FBXW4: variants seen among roughly 807,000 people sequenced by gnomAD.
FBXW4 encodes the protein F-box/WD repeat-containing protein 4.
FBXW4 carries 40 observed loss-of-function variants against 61.8 expected under a neutral mutation model. That is an observed-to-expected ratio of 0.65 (90% CI 0.50 to 0.84). The LOEUF is 0.84. FBXW4 is among the 40% of genes least tolerant of loss of function. The probability of loss-of-function intolerance (pLI) is 0.00; values close to 1 mark genes in which losing one functional copy is unlikely to be tolerated. For missense variants in FBXW4, 672 were observed against 753.8 expected (o/e 0.89, Z 1.27); for synonymous variants, 311 against 313.8 (o/e 0.99, Z 0.10).
intron 6 of FBXW4, among the ~76,000 whole-genome samples, chr10:101,621,017 G>A (rs983749235): frequency 6.6e-6 from 1 of 152,178 alleles, no homozygotes; most frequent in Admixed American, 6.5e-5. Context: ...TCACAGTGGT[G>A]TACCCAGCCC....
At chr10:101,669,850 G>A (rs546002494) in intron 4 of FBXW4, among the ~76,000 whole-genome samples, 24 of 152,080 alleles carry the variant, frequency 1.6e-4, no homozygotes, top group South Asian at 8.4e-4. Context: ...CGCCTCCTGG[G>A]TTCATGCCAT....
intron 6 of FBXW4, among the ~76,000 whole-genome samples, chr10:101,620,376 A>C (rs1387035659): frequency 6.6e-6 from 1 of 152,220 alleles, no homozygotes; most frequent in Non-Finnish European, 1.5e-5. Context: ...TCCTCCCACC[A>C]AAAGCAAATG....
chr10:101,694,957 C>A lies in FBXW4; in HGVS notation c.149G>T (p.Gly50Val). 8.2e-7 allele frequency: 1 copy of A among 1,214,912 alleles called. No homozygotes were observed. Among genetic ancestry groups the A allele is most frequent in the Non-Finnish European group, 1.0e-6 (1 of 976,276 alleles). The allele number at this position is 1,214,912 out of a possible 1,614,324, so 75.3% of individuals were successfully genotyped here. A position where few individuals can be genotyped will look rare whatever the true frequency, so the allele number is the denominator to read the frequency against. The change falls in exon 1 of 9, where the codon GGC becomes GTC. Residue 50 changes from glycine to valine, a missense_variant. Transcript: ENST00000331272. This position sits in a 1 kb window ranked among gnomAD's most constrained non-coding sequence, Gnocchi z 6.0. ...KGKGKARAGQGGRGSGAEGKP... is the reference protein window; with the variant it reads ...KGKGKARAGQVGRGSGAEGKP... The stretch of plus-strand genomic sequence containing the variant: ...CCCTTCCGCCCCGCTTCCTCTTCCG[C>A]CTTGCCCCGCTCTCGCTTTTCCCTT...
intron 5 of FBXW4, among the ~76,000 whole-genome samples, chr10:101,643,779 G>A (rs1485567883): frequency 6.6e-6 from 1 of 152,206 alleles, no homozygotes; most frequent in African/African-American, 2.4e-5. Flanking sequence ...ACAATGAGTG[G>A]AAGGAGGAGA....
chr10:101,661,880 G>A (rs2064247869), intron 5 of FBXW4, among the ~76,000 whole-genome samples: 1 of 152,204 alleles, frequency 6.6e-6, no homozygotes, highest in East Asian at 1.9e-4. Context: ...CAGCTACAAT[G>A]CAGAGCACTA....
At chr10:101,626,174 C>T (rs2063905908) in intron 5 of FBXW4, 1 of 152,584 alleles carries the variant, frequency 6.6e-6, no homozygotes, top group Non-Finnish European at 1.5e-5. Flanking sequence ...GCCCCATCAT[C>T]CTAGCTTCTT....
At chr10:101,641,498 A>C (rs2064052830) in intron 5 of FBXW4, among the ~76,000 whole-genome samples, 1 of 152,182 alleles carries the variant, frequency 6.6e-6, no homozygotes, top group African/African-American at 2.4e-5. Flanking sequence ...AAACTAAGGG[A>C]AAAATAAATC....
At chr10:101,631,841 A>G (rs1431472181) in intron 5 of FBXW4, among the ~76,000 whole-genome samples, 4 of 152,040 alleles carry the variant, frequency 2.6e-5, no homozygotes, top group Admixed American at 1.3e-4. Flanking sequence ...GTTAGCCAGG[A>G]TGGTCTTGAT....
At position 101,672,902 on chromosome 10, in the gene FBXW4, G is replaced by A; in HGVS notation, c.1140+13C>T. 6.2e-7 allele frequency: 1 copy of A among 1,613,602 alleles called. No homozygotes were observed. The highest frequency in any genetic ancestry group is 8.5e-7 in the Non-Finnish European group (1 of 1,179,814). On this transcript the variant is annotated intron_variant, in intron 4 of 8. Transcript: ENST00000331272. ...GGAGGGAGTAATAGTATGTAAGGGG[G>A]AGACCACCTCACCTTGGCCGTCCTG...
At chr10:101,667,772 G>A in intron 5 of FBXW4, 114 bp downstream of exon 5, 3 of 887,144 alleles carry the variant, frequency 3.4e-6, no homozygotes, top group African/African-American at 1.7e-5. Flanking sequence ...CTCCAAGACA[G>A]TGACTCAAAG....
intron 5 of FBXW4, among the ~76,000 whole-genome samples, chr10:101,630,046 A>G (rs903271076): frequency 6.6e-6 from 1 of 152,108 alleles, no homozygotes; most frequent in Non-Finnish European, 1.5e-5. Context: ...CTGTCACATC[A>G]TTCACCAACA....
intron 5 of FBXW4, chr10:101,626,224 C>T (rs1261982191): frequency 6.6e-6 from 1 of 152,654 alleles, no homozygotes; most frequent in East Asian, 1.9e-4. Context: ...AGTGGGAGTG[C>T]CAAAACAGTC....
At chr10:101,660,218 C>T in intron 5 of FBXW4, 1 of 983,758 alleles carries the variant, frequency 1.0e-6, no homozygotes, top group African/African-American at 1.8e-5. Flanking sequence ...ACTATTACAT[C>T]TTGTACCTCC....
chr10:101,662,876 C>T (rs2064258458), intron 5 of FBXW4, among the ~76,000 whole-genome samples: 1 of 152,192 alleles, frequency 6.6e-6, no homozygotes, highest in Non-Finnish European at 1.5e-5. Flanking sequence ...TGCAAGCATT[C>T]ACAGCTACCT....
At chr10:101,630,284 A>T (rs2063941083) in intron 5 of FBXW4, among the ~76,000 whole-genome samples, 1 of 152,160 alleles carries the variant, frequency 6.6e-6, no homozygotes, top group Non-Finnish European at 1.5e-5. Flanking sequence ...TCCTAATTGG[A>T]GGAAAAATTG....
chr10:101,694,259 G>C lies in FBXW4; in HGVS notation c.725+122C>G. ...GGGAAAGGGTGTAGGCGGAGGTCAG[G>C]TGTAGGCCTAGAAACTCGGGGTGCG... is the stretch of plus-strand genomic sequence containing the variant. On this transcript the variant is annotated intron_variant, in intron 1 of 8. Transcript: ENST00000331272. The surrounding 1 kb of genome is among the most constrained non-coding windows in gnomAD (Gnocchi z 6.0). 2 of 941,872 alleles carry C rather than the reference G, an allele frequency of 2.1e-6. No individual in the cohort carries two copies. Among genetic ancestry groups the C allele is most frequent in the Non-Finnish European group, 2.9e-6 (2 of 699,954 alleles). 58.3% of individuals were successfully genotyped at this position (941,872 alleles called of 1,614,324 possible). A position where few individuals can be genotyped will look rare whatever the true frequency, so the allele number is the denominator to read the frequency against.
chr10:101,629,426 G>C (rs1488177022), intron 5 of FBXW4, among the ~76,000 whole-genome samples: 1 of 152,002 alleles, frequency 6.6e-6, no homozygotes, highest in Non-Finnish European at 1.5e-5. Flanking sequence ...TGAGTTAACA[G>C]GTGCGCACCA....
chr10:101,623,967 A>G (rs1189443874), intron 6 of FBXW4, among the ~76,000 whole-genome samples: 2 of 152,194 alleles, frequency 1.3e-5, no homozygotes, highest in Admixed American at 1.3e-4. Flanking sequence ...TGTGACTACC[A>G]AGGGGTAAAT....
intron 5 of FBXW4, among the ~76,000 whole-genome samples, chr10:101,662,706 G>A (rs2064255769): frequency 6.6e-6 from 1 of 152,138 alleles, no homozygotes; most frequent in Non-Finnish European, 1.5e-5. Context: ...TACATATGGT[G>A]TCTGCAGAGG....
Sources: gnomAD v4.1 joint callset for allele counts (sites outside exome capture counted in the v4.1 genomes callset) on GRCh38, gnomAD v4.1.1 for gene constraint, Gnocchi (gnomAD v3.1) non-coding constraint, MANE v1.5 for transcripts, NCBI Gene and HGNC (gene_info 2026-07-23, HGNC 2026-07-21) for gene names.